Variants in CMTM4 observed in about 807,000 individuals in gnomAD.
CMTM4 encodes CKLF like MARVEL transmembrane domain containing 4.
CMTM4 carries 8 observed loss-of-function variants against 19.0 expected under a neutral mutation model. The ratio of observed to expected loss-of-function variants is 0.42; its 90% CI spans 0.25 to 0.76. The LOEUF is 0.76. CMTM4 is among the 30% of genes least tolerant of loss of function. The pLI, the probability that CMTM4 is intolerant of heterozygous loss-of-function variation, is 0.27. For synonymous variants in CMTM4, 106 were observed against 121.1 expected (o/e 0.88, Z 0.82); for missense variants, 228 against 290.2 (o/e 0.79, Z 1.56).
chr16:66,678,107 T>A (rs976633653), intron 1 of CMTM4, among the ~76,000 whole-genome samples: 1 of 152,098 alleles, frequency 6.6e-6, no homozygotes, highest in Admixed American at 6.6e-5. Context: ...AGCCCAGGAA[T>A]TCAAGGTGCA....
At chr16:66,609,359 G>T in the CMTM4 span, 2 of 1,333,346 alleles carry the variant, frequency 1.5e-6, no homozygotes, top group South Asian at 1.2e-5. This position sits in a 1 kb window ranked among gnomAD's most constrained non-coding sequence, Gnocchi z 4.4. Flanking sequence ...CTGGGAACAC[G>T]ACCAGGCTGC....
intron 1 of CMTM4, among the ~76,000 whole-genome samples, chr16:66,671,186 A>C (rs1387260350): frequency 3.3e-5 from 5 of 152,216 alleles, no homozygotes; most frequent in African/African-American, 1.2e-4. Context: ...ATACAGTACC[A>C]GATTCCCAAA....
chr16:66,633,147 CA>C (rs1165101091), intron 2 of CMTM4, among the ~76,000 whole-genome samples: 2 of 120,470 alleles, frequency 1.7e-5, no homozygotes, highest in East Asian at 2.0e-4. Context: ...ATATATATAT[CA>C]AAGTCCCACA....
chr16:66,604,727 A>C, the CMTM4 span: 1 of 1,118,090 alleles, frequency 8.9e-7, no homozygotes, highest in Non-Finnish European at 1.1e-6. Flanking sequence ...CTCCTTCCGC[A>C]CAGCCCGGGT....
chr16:66,691,209 A>G lies in CMTM4; in HGVS notation c.186+5131T>C, dbSNP rs528723587. 4.5e-3 allele frequency among the ~76,000 whole-genome samples: 683 copies of G among 152,328 alleles called. 1 individual carries two copies. Among genetic ancestry groups the G allele is most frequent in the Non-Finnish European group, 8.3e-3 (565 of 68,026 alleles). On this transcript the variant is annotated intron_variant, in intron 1 of 3. Transcript: ENST00000394106. ...GTCATCTAGGCATGGGAAGGGCTCA[A>G]GAAAGGGATGTGGATCAGGTGCGGT...
intron 2 of CMTM4, among the ~76,000 whole-genome samples, chr16:66,634,787 T>C (rs138255159): frequency 2.0e-5 from 3 of 152,242 alleles, no homozygotes; most frequent in African/African-American, 7.2e-5. Context: ...AAAAAATTAT[T>C]ATCTCCACTT....
chr16:66,682,114 G>T (rs2016926434), intron 1 of CMTM4, among the ~76,000 whole-genome samples: 2 of 152,148 alleles, frequency 1.3e-5, no homozygotes, highest in Admixed American at 1.3e-4. Flanking sequence ...CTCTTTGGAG[G>T]CAGAGATTTT....
Position 66,695,970 on chromosome 16 carries a change from G to C in CMTM4, c.186+370C>G, listed in dbSNP as rs528549230. On this transcript the variant is annotated intron_variant, in intron 1 of 3. Coordinates refer to ENST00000394106, the MANE Select transcript of CMTM4 (RefSeq NM_181521.3). ...CACCGTCCGGAGGTTGCGCGGGCCG[G>C]GAAAACCTGCCACAGGTTGCTAAGA... Among the ~76,000 whole-genome samples, 4 of 152,312 alleles carry C rather than the reference G, an allele frequency of 2.6e-5. No homozygotes were observed. In the East Asian group the frequency reaches 7.7e-4, roughly 29 times the overall value.
intron 2 of CMTM4, among the ~76,000 whole-genome samples, chr16:66,624,183 C>T (rs947314321): frequency 6.6e-6 from 1 of 152,208 alleles, no homozygotes; most frequent in South Asian, 2.1e-4. Flanking sequence ...GAATGTACCC[C>T]CTTCCTCCCA....
chr16:66,632,919 C>T (rs1405766139), intron 2 of CMTM4, among the ~76,000 whole-genome samples: 1 of 151,362 alleles, frequency 6.6e-6, no homozygotes, highest in African/African-American at 2.4e-5. Flanking sequence ...CCCCTCTCTA[C>T]TAAAAATACA....
chr16:66,657,018 A>C (rs940608778), intron 1 of CMTM4, among the ~76,000 whole-genome samples: 16 of 152,242 alleles, frequency 1.1e-4, no homozygotes, highest in African/African-American at 3.6e-4. Flanking sequence ...GATTTTTGAG[A>C]CAAAGAGGGA....
chr16:66,640,850 G>A (rs983628081), intron 1 of CMTM4, among the ~76,000 whole-genome samples: 3 of 152,078 alleles, frequency 2.0e-5, no homozygotes, highest in African/African-American at 7.2e-5. Flanking sequence ...GAGAGGTATA[G>A]GTGCCAAGAA....
In CMTM4 at chr16:66,622,754, G is replaced by C. The variant is rs899967711; in HGVS notation, c.463-532C>G. On this transcript the variant is annotated intron_variant, in intron 3 of 3. Transcript: ENST00000394106. The surrounding 1 kb of genome is among the most constrained non-coding windows in gnomAD (Gnocchi z 4.0). ...CCCCATCCCACACCTGCCTCTCATG[G>C]GGCAGCTCCAAGTAAGCAGCTCCAG... Among the ~76,000 whole-genome samples, 1 of 152,114 alleles carries C rather than the reference G, an allele frequency of 6.6e-6. No individual in the cohort carries two copies. Among genetic ancestry groups the C allele is most frequent in the Admixed American group, 6.5e-5 (1 of 15,268 alleles).
intron 1 of CMTM4, among the ~76,000 whole-genome samples, chr16:66,657,370 C>T (rs1000588368): frequency 3.3e-5 from 5 of 152,234 alleles, no homozygotes; most frequent in Admixed American, 2.6e-4. Context: ...GGATTACAGG[C>T]GTGAGCCACC....
At chr16:66,598,640 G>C in the CMTM4 span, among the ~76,000 whole-genome samples, 2 of 152,126 alleles carry the variant, frequency 1.3e-5, no homozygotes, top group African/African-American at 4.8e-5. Context: ...GCTTGTTCTA[G>C]AATTTCATAA....
At chr16:66,688,935 T>A (rs1231514937) in intron 1 of CMTM4, among the ~76,000 whole-genome samples, 1 of 152,210 alleles carries the variant, frequency 6.6e-6, no homozygotes. Context: ...TTGTTTTAAT[T>A]TCCAATGATT....
chr16:66,670,999 T>G (rs1279694547), intron 1 of CMTM4, among the ~76,000 whole-genome samples: 2 of 152,200 alleles, frequency 1.3e-5, no homozygotes, highest in Non-Finnish European at 2.9e-5. Flanking sequence ...TTTTCTCTAT[T>G]TTTCTACATC....
At chr16:66,661,776 C>CA (rs1163768851) in intron 1 of CMTM4, among the ~76,000 whole-genome samples, 2 of 151,686 alleles carry the variant, frequency 1.3e-5, no homozygotes, top group African/African-American at 2.4e-5. Flanking sequence ...ACTAAAACAA[C>CA]AAAAAAATTA....
At chr16:66,608,380 G>A in the CMTM4 span, 2 of 1,614,188 alleles carry the variant, frequency 1.2e-6, no homozygotes, top group East Asian at 4.5e-5. The surrounding 1 kb of genome is among the most constrained non-coding windows in gnomAD (Gnocchi z 5.1). Context: ...CGCCTCTGCT[G>A]GAGTTCCTGC....
Sources: gnomAD v4.1 joint callset for allele counts (sites outside exome capture counted in the v4.1 genomes callset) on GRCh38, gnomAD v4.1.1 for gene constraint, Gnocchi (gnomAD v3.1) non-coding constraint, MANE v1.5 for transcripts, NCBI Gene and HGNC (gene_info 2026-07-23, HGNC 2026-07-21) for gene names.